Variants in RABGEF1 observed in about 807,000 individuals in gnomAD.
RABGEF1 encodes the protein RAB guanine nucleotide exchange factor 1.
Under a neutral mutation model 57.3 loss-of-function variants are expected in RABGEF1, and 26 were observed. That is an observed-to-expected ratio of 0.45 (90% CI 0.33 to 0.63). The LOEUF (loss-of-function observed/expected upper bound fraction) is 0.63, where lower values mean the gene tolerates loss of function less well. Among genes scored for constraint, RABGEF1 ranks in the 20% least tolerant of loss-of-function variants. RABGEF1 has a pLI of 0.02. For missense variants in RABGEF1, 464 were observed against 607.6 expected, an observed-to-expected ratio of 0.76 and a Z score of 2.48; for synonymous variants, 185 against 210.7, an observed-to-expected ratio of 0.88 and a Z score of 1.06.
At chr7:66,753,451 C>T (rs754394558) in intron 1 of RABGEF1, among the ~76,000 whole-genome samples, 5 of 152,168 alleles carry the variant, frequency 3.3e-5, no homozygotes, top group African/African-American at 9.7e-5. Flanking sequence ...TAAAATATTA[C>T]AGGCATACTT....
At chr7:66,707,183 C>T (rs1794226299) in intron 1 of RABGEF1, among the ~76,000 whole-genome samples, 1 of 152,142 alleles carries the variant, frequency 6.6e-6, no homozygotes, top group Non-Finnish European at 1.5e-5. Context: ...CCATTGTGGT[C>T]AGAAAACGTA....
At chr7:66,795,688 T>A in intron 5 of RABGEF1, 96 bp downstream of exon 5, 1 of 1,167,202 alleles carries the variant, frequency 8.6e-7, no homozygotes, top group Non-Finnish European at 1.3e-6. Context: ...GTCTGGCTGG[T>A]TTGTAGACTT....
intron 1 of RABGEF1, among the ~76,000 whole-genome samples, chr7:66,709,298 C>A (rs1416611905): frequency 6.6e-6 from 1 of 151,998 alleles, no homozygotes; most frequent in African/African-American, 2.4e-5. Flanking sequence ...TCGTGCTCTG[C>A]CTGTTTTAAA....
At chr7:66,711,447 G>T (rs1794770603) in intron 1 of RABGEF1, among the ~76,000 whole-genome samples, 1 of 149,590 alleles carries the variant, frequency 6.7e-6, no homozygotes. Context: ...TTAGGTTGAA[G>T]TTCACTTATT....
Position 66,809,747 on chromosome 7 carries a change from G to T in RABGEF1, c.*463G>T, listed in dbSNP as rs1381744145. 3 of 153,048 alleles carry T rather than the reference G, an allele frequency of 2.0e-5. No homozygotes were observed. Among genetic ancestry groups the T allele is most frequent in the African/African-American group, 7.2e-5 (3 of 41,452 alleles). The allele number at this position is 153,048 out of a possible 1,614,324, so 9.5% of individuals were successfully genotyped here. On this transcript the variant is annotated 3_prime_UTR_variant, in exon 9 of 9. Transcript: ENST00000284957. ...TAAAATTGTAAATATGTAAAAAAAA[G>T]AATGGTGTCTGCTGTGCATGGCATT...
At position 66,783,860 on chromosome 7, in the gene RABGEF1, C is replaced by T. The variant is rs571383863; in HGVS notation, c.513+19C>T. ...CAAAAGGGTAGGTTGAGAATAACCACGTAGAAACATAGAGTTTTGGTTTGA... is the reference window on the plus strand; with the variant it reads ...CAAAAGGGTAGGTTGAGAATAACCATGTAGAAACATAGAGTTTTGGTTTGA... On this transcript the variant is annotated intron_variant, in intron 4 of 8. Transcript: ENST00000284957. The T allele has an allele frequency of 5.1e-5, 81 of 1,603,908 alleles. No homozygotes were observed. In the Middle Eastern group the frequency reaches 8.3e-4, roughly 16 times the overall value.
At chr7:66,795,419 C>A in intron 4 of RABGEF1, 92 bp from the exon 5 acceptor site, 1 of 1,066,464 alleles carries the variant, frequency 9.4e-7, no homozygotes, top group Non-Finnish European at 1.5e-6. Flanking sequence ...ACTACCAGTA[C>A]AAGGAATGGC....
intron 2 of RABGEF1, among the ~76,000 whole-genome samples, chr7:66,713,990 G>C (rs904430623): frequency 2.6e-5 from 4 of 151,988 alleles, no homozygotes. Context: ...AGTTTTTTTG[G>C]TCTATGTTCA....
the RABGEF1 span, among the ~76,000 whole-genome samples, chr7:66,665,709 C>T: frequency 6.6e-6 from 1 of 152,160 alleles, no homozygotes; most frequent in Non-Finnish European, 1.5e-5. Context: ...CCAAAGGTGA[C>T]GTTCCCTGAG....
At chr7:66,759,075 CAT>C (rs1235749507) in intron 1 of RABGEF1, among the ~76,000 whole-genome samples, 10 of 152,118 alleles carry the variant, frequency 6.6e-5, no homozygotes, top group Non-Finnish European at 1.3e-4. Context: ...CATTTCATCT[CAT>C]ACGTAGATTC....
At chr7:66,775,783 T>TA (rs1808381945) in intron 3 of RABGEF1, among the ~76,000 whole-genome samples, 1 of 152,180 alleles carries the variant, frequency 6.6e-6, no homozygotes, top group East Asian at 1.9e-4. Flanking sequence ...CTAGGCTTGA[T>TA]AGTCATCTGA....
chr7:66,761,411 A>T (rs1442200352), intron 1 of RABGEF1, among the ~76,000 whole-genome samples: 1 of 152,126 alleles, frequency 6.6e-6, no homozygotes, highest in Non-Finnish European at 1.5e-5. Flanking sequence ...ACTCAGGGAG[A>T]TGCTTCTGTT....
intron 1 of RABGEF1, among the ~76,000 whole-genome samples, chr7:66,709,300 T>A (rs1354320149): frequency 6.6e-6 from 1 of 152,172 alleles, no homozygotes; most frequent in East Asian, 1.9e-4. Context: ...GTGCTCTGCC[T>A]GTTTTAAATT....
chr7:66,686,648 A>G (rs1030974590), intron 1 of RABGEF1, among the ~76,000 whole-genome samples: 2 of 152,188 alleles, frequency 1.3e-5, no homozygotes, highest in Non-Finnish European at 2.9e-5. Context: ...CCTATTTAAT[A>G]CTATTTAACT....
At chr7:66,654,758 C>G in the RABGEF1 span, 1 of 152,542 alleles carries the variant, frequency 6.6e-6, no homozygotes, top group Non-Finnish European at 1.5e-5. Context: ...AGTTGCGCGT[C>G]GGTGCCTCCC....
chr7:66,705,876 ATTTTTTTTTTTTTTTTTTTTTTTT>A (rs201838145), intron 1 of RABGEF1, among the ~76,000 whole-genome samples: 1 of 45,150 alleles, frequency 2.2e-5, no homozygotes, highest in Non-Finnish European at 3.9e-5. Flanking sequence ...CACCCAGCTA[ATTTTTTTTTTTTTTTTTTTTTTTT>A]TTTTTTTTTT....
intron 1 of RABGEF1, among the ~76,000 whole-genome samples, chr7:66,767,650 A>C (rs969385279): frequency 6.6e-6 from 1 of 152,132 alleles, no homozygotes; most frequent in Admixed American, 6.5e-5. Flanking sequence ...TGGAGACCTC[A>C]TGACTGGGGC....
the RABGEF1 span, among the ~76,000 whole-genome samples, chr7:66,672,485 C>T: frequency 3.3e-5 from 5 of 152,172 alleles, no homozygotes; most frequent in African/African-American, 4.8e-5. Flanking sequence ...GGACTTCTGA[C>T]AGTCTTACAT....
At chr7:66,673,087 A>T in the RABGEF1 span, among the ~76,000 whole-genome samples, 34 of 139,244 alleles carry the variant, frequency 2.4e-4, no homozygotes, top group African/African-American at 9.1e-4. Flanking sequence ...GGATGTGCCC[A>T]TGCTCAGGTG....
Sources: allele counts gnomAD v4.1 joint callset (sites outside exome capture counted in the v4.1 genomes callset), GRCh38; gene constraint gnomAD v4.1.1; transcripts MANE v1.5; gene names NCBI Gene and HGNC (gene_info 2026-07-23, HGNC 2026-07-21).